OSBPL8: variants seen among roughly 807,000 people sequenced by gnomAD.
OSBPL8 encodes the protein oxysterol binding protein like 8, also known as oxysterol-binding protein-related protein 8.
Under a neutral mutation model 125.5 loss-of-function variants are expected in OSBPL8, and 59 were observed. The ratio of observed to expected loss-of-function variants is 0.47; its 90% CI spans 0.38 to 0.58. The LOEUF (loss-of-function observed/expected upper bound fraction) is 0.58, where lower values mean the gene tolerates loss of function less well. Among genes scored for constraint, OSBPL8 ranks in the 20% least tolerant of loss-of-function variants. The pLI, the probability that OSBPL8 is intolerant of heterozygous loss-of-function variation, is 0.00. For missense variants in OSBPL8, 758 were observed against 1,047.8 expected (o/e 0.72, Z 3.82); for synonymous variants, 330 against 338.9 (o/e 0.97, Z 0.29).
chr12:76,525,600 A>T (rs1029220985), intron 1 of OSBPL8, among the ~76,000 whole-genome samples: 3 of 152,166 alleles, frequency 2.0e-5, no homozygotes, highest in African/African-American at 7.2e-5. Context: ...GGGGGGAAAA[A>T]ACTTAAGACT....
chr12:76,475,645 C>G (rs1246051218), intron 2 of OSBPL8, among the ~76,000 whole-genome samples: 2 of 152,170 alleles, frequency 1.3e-5, no homozygotes, highest in East Asian at 3.9e-4. Flanking sequence ...ATTGCTTTTG[C>G]AAGTAAGAAC....
At chr12:76,544,746 C>T (rs79474663) in intron 1 of OSBPL8, among the ~76,000 whole-genome samples, 5,435 of 151,950 alleles carry the variant, frequency 0.036, 355 homozygotes, top group African/African-American at 0.12. Context: ...ACTAAAAGAA[C>T]TTAACAGCTA....
At chr12:76,454,745 A>G (rs906697359) in intron 3 of OSBPL8, among the ~76,000 whole-genome samples, 2 of 148,260 alleles carry the variant, frequency 1.3e-5, no homozygotes, top group African/African-American at 5.0e-5. Context: ...AAAAAAAAAA[A>G]GGTAACTACA....
intron 3 of OSBPL8, among the ~76,000 whole-genome samples, chr12:76,452,709 C>T (rs1171474557): frequency 6.6e-6 from 1 of 152,220 alleles, no homozygotes; most frequent in Non-Finnish European, 1.5e-5. Flanking sequence ...AAATTCAACA[C>T]AGTCTGGCCT....
chr12:76,483,538 T>G (rs1442126940), intron 2 of OSBPL8, among the ~76,000 whole-genome samples: 1 of 151,468 alleles, frequency 6.6e-6, no homozygotes, highest in East Asian at 1.9e-4. Context: ...CACTCCAACC[T>G]GGGCAACAGA....
intron 4 of OSBPL8, among the ~76,000 whole-genome samples, chr12:76,430,470 A>C (rs1028277300): frequency 3.9e-5 from 6 of 152,220 alleles, no homozygotes; most frequent in Non-Finnish European, 8.8e-5. Context: ...GCAGACACTA[A>C]CATCAGTCTA....
intron 1 of OSBPL8, among the ~76,000 whole-genome samples, chr12:76,503,337 C>T (rs1379708214): frequency 2.6e-5 from 4 of 152,172 alleles, no homozygotes; most frequent in African/African-American, 9.7e-5. Context: ...ACATGGTCTT[C>T]CCTCTGTACG....
At chr12:76,522,000 T>C (rs2137267093) in intron 1 of OSBPL8, among the ~76,000 whole-genome samples, 1 of 152,328 alleles carries the variant, frequency 6.6e-6, no homozygotes, top group African/African-American at 2.4e-5. Flanking sequence ...ATTTTTTGTC[T>C]GGAAATACAC....
chr12:76,361,042 G>C (rs529318121), intron 21 of OSBPL8, among the ~76,000 whole-genome samples: 1 of 152,358 alleles, frequency 6.6e-6, no homozygotes, highest in Non-Finnish European at 1.5e-5. Context: ...AATTTCTGCA[G>C]CCAGCTGAAT....
chr12:76,494,024 T>C (rs1419664919), intron 1 of OSBPL8, among the ~76,000 whole-genome samples: 1 of 152,152 alleles, frequency 6.6e-6, no homozygotes, highest in African/African-American at 2.4e-5. Flanking sequence ...CTGTTAAACT[T>C]CTAGTTTTGT....
At chr12:76,398,044 A>G in intron 7 of OSBPL8, 147 bp from the exon 8 acceptor site, 1 of 706,348 alleles carries the variant, frequency 1.4e-6, no homozygotes, top group East Asian at 2.7e-5. Context: ...TGGCAAGCAC[A>G]GCAAACAGAC....
At chr12:76,376,997 C>T (rs1952843702) in intron 16 of OSBPL8, among the ~76,000 whole-genome samples, 2 of 152,118 alleles carry the variant, frequency 1.3e-5, no homozygotes, top group African/African-American at 4.8e-5. Context: ...CATTGTTCAA[C>T]TCCCACTTAT....
chr12:76,359,229 T>C (rs1473473118), intron 21 of OSBPL8, among the ~76,000 whole-genome samples: 3 of 152,204 alleles, frequency 2.0e-5, no homozygotes, highest in Admixed American at 2.0e-4. Flanking sequence ...ATAAATCATA[T>C]TTATTTTGTT....
chr12:76,546,263 C>A (rs1950779775), intron 1 of OSBPL8, among the ~76,000 whole-genome samples: 1 of 152,034 alleles, frequency 6.6e-6, no homozygotes, highest in South Asian at 2.1e-4. Context: ...CCAAAATAAC[C>A]AAATAAACAA....
In OSBPL8 at chr12:76,355,299, T is replaced by A. The variant is rs1043555325; in HGVS notation, c.*590A>T. 7.9e-5 allele frequency: 12 copies of A among 152,532 alleles called. No homozygotes were observed. Among genetic ancestry groups the A allele is most frequent in the African/African-American group, 2.7e-4 (11 of 41,456 alleles). The allele number at this position is 152,532 out of a possible 1,614,324, so 9.4% of individuals were successfully genotyped here. A position where few individuals can be genotyped will look rare whatever the true frequency, so the allele number is the denominator to read the frequency against. ...ACTTTTAAAAAAGCAATTTGCCATT[T>A]ATCTCTCTCGATGTATTCATTTTGA... On this transcript the variant is annotated 3_prime_UTR_variant, in exon 24 of 24. Transcript: ENST00000261183.
chr12:76,481,538 G>A (rs945013615), intron 2 of OSBPL8, among the ~76,000 whole-genome samples: 1 of 152,122 alleles, frequency 6.6e-6, no homozygotes, highest in Non-Finnish European at 1.5e-5. Context: ...GCTGAGGTGG[G>A]AGGATCACTT....
intron 4 of OSBPL8, among the ~76,000 whole-genome samples, chr12:76,432,574 T>C (rs1870973015): frequency 6.6e-6 from 1 of 151,892 alleles, no homozygotes; most frequent in Admixed American, 6.6e-5. Context: ...GAATGAGACT[T>C]TGTCTTAAAA....
rs565853227 is a variant in OSBPL8, at chr12:76,445,253, A to G, written c.217+5598T>C. Among the ~76,000 whole-genome samples the G allele has an allele frequency of 7.2e-5, 11 of 152,324 alleles. No individual in the cohort carries two copies. In the South Asian group the frequency reaches 2.3e-3, roughly 32 times the overall value. On this transcript the variant is annotated intron_variant, in intron 4 of 23. Coordinates refer to ENST00000261183, the MANE Select transcript of OSBPL8 (RefSeq NM_020841.5). ...AAAGTAAGAATAAAAATCAAGAGAT[A>G]AATCAGAGCCTTGACACTTTATAAC...
At chr12:76,378,581 C>G (rs1404277179) in intron 15 of OSBPL8, 31 bp from the exon 16 acceptor site, 1 of 1,467,362 alleles carries the variant, frequency 6.8e-7, no homozygotes, top group African/African-American at 1.4e-5. Context: ...TTAAATTTCA[C>G]AAAACTTATT....
Sources: gnomAD v4.1 joint callset for allele counts (sites outside exome capture counted in the v4.1 genomes callset) on GRCh38, gnomAD v4.1.1 for gene constraint, MANE v1.5 for transcripts, NCBI Gene and HGNC (gene_info 2026-07-23, HGNC 2026-07-21) for gene names.